Variants in SLC24A3 observed in about 807,000 individuals in gnomAD.
SLC24A3 encodes the protein sodium/potassium/calcium exchanger 3.
A neutral mutation model predicts 75.8 loss-of-function variants in SLC24A3; 28 were observed. That is an observed-to-expected ratio of 0.37 (90% CI 0.27 to 0.51). SLC24A3 has a LOEUF of 0.51. Ranked by LOEUF, SLC24A3 falls within the 20% of genes least tolerant of loss-of-function variation. The pLI, the probability that SLC24A3 is intolerant of heterozygous loss-of-function variation, is 0.94. For missense variants in SLC24A3, 663 were observed against 847.8 expected (o/e 0.78, Z 2.71); for synonymous variants, 372 against 334.1 (o/e 1.11, Z -1.24).
At chr20:19,304,161 T>G (rs1984265074) in intron 2 of SLC24A3, among the ~76,000 whole-genome samples, 1 of 152,248 alleles carries the variant, frequency 6.6e-6, no homozygotes, top group East Asian at 1.9e-4. Context: ...TAGCTTCTCT[T>G]TAATACATAG....
intron 1 of SLC24A3, among the ~76,000 whole-genome samples, chr20:19,277,919 A>G (rs1983533215): frequency 6.6e-6 from 1 of 152,184 alleles, no homozygotes; most frequent in Non-Finnish European, 1.5e-5. Flanking sequence ...TTACAGTACC[A>G]CAAAGCATTT....
At chr20:19,553,651 C>T (rs1420649471) in intron 3 of SLC24A3, among the ~76,000 whole-genome samples, 3 of 152,018 alleles carry the variant, frequency 2.0e-5, no homozygotes, top group Non-Finnish European at 4.4e-5. Flanking sequence ...TTGGTAGCAC[C>T]GATGCTGTCC....
chr20:19,265,509 T>C (rs1304579602), intron 1 of SLC24A3, among the ~76,000 whole-genome samples: 4 of 152,214 alleles, frequency 2.6e-5, no homozygotes, highest in Non-Finnish European at 1.5e-5. Context: ...CAACAGACTT[T>C]ACATGGGATG....
chr20:19,706,086 G>A (rs969062018), intron 15 of SLC24A3, among the ~76,000 whole-genome samples: 1 of 152,180 alleles, frequency 6.6e-6, no homozygotes, highest in Non-Finnish European at 1.5e-5. Context: ...GCAATGGAGG[G>A]AGGGTGTCTG....
At chr20:19,248,815 A>G (rs1050331566) in intron 1 of SLC24A3, among the ~76,000 whole-genome samples, 2 of 151,884 alleles carry the variant, frequency 1.3e-5, no homozygotes, top group Non-Finnish European at 2.9e-5. Flanking sequence ...TACTGTTCAG[A>G]CTTGAAAGAT....
chr20:19,672,735 T>A (rs1482108334), intron 8 of SLC24A3, among the ~76,000 whole-genome samples: 1 of 152,188 alleles, frequency 6.6e-6, no homozygotes, highest in Non-Finnish European at 1.5e-5. Flanking sequence ...TTTTCACTTT[T>A]TTATAAACAC....
chr20:19,718,910 G>A (rs1600356724), intron 16 of SLC24A3, among the ~76,000 whole-genome samples: 1 of 152,216 alleles, frequency 6.6e-6, no homozygotes. Flanking sequence ...AAGGGAATGA[G>A]TGTACACAAA....
chr20:19,592,998 G>A (rs2031401307), intron 6 of SLC24A3, among the ~76,000 whole-genome samples: 1 of 152,008 alleles, frequency 6.6e-6, no homozygotes, highest in Admixed American at 6.6e-5. Context: ...GTTTCGCCAT[G>A]TTAGTCAGGC....
chr20:19,346,366 ATG>A (rs1381204393), intron 2 of SLC24A3, among the ~76,000 whole-genome samples: 4 of 130,484 alleles, frequency 3.1e-5, no homozygotes, highest in African/African-American at 5.8e-5. Context: ...GTGTATATAT[ATG>A]TGGTGTATAT....
chr20:19,495,475 G>A (rs1202810577), intron 2 of SLC24A3, among the ~76,000 whole-genome samples: 4 of 152,162 alleles, frequency 2.6e-5, no homozygotes, highest in Non-Finnish European at 4.4e-5. Context: ...TGAACGCCTC[G>A]CTCTGTAGAG....
chr20:19,577,512 T>C (rs1031576377), intron 3 of SLC24A3, among the ~76,000 whole-genome samples: 1 of 152,138 alleles, frequency 6.6e-6, no homozygotes, highest in Non-Finnish European at 1.5e-5. Flanking sequence ...CTCTAAAATC[T>C]CCCATCACCT....
intron 1 of SLC24A3, among the ~76,000 whole-genome samples, chr20:19,266,844 A>G (rs953942275): frequency 3.9e-5 from 6 of 152,334 alleles, no homozygotes; most frequent in African/African-American, 1.2e-4. Flanking sequence ...TTAAGAAATT[A>G]TGTTTAAGAA....
At chr20:19,266,651 A>G (rs548861059) in intron 1 of SLC24A3, among the ~76,000 whole-genome samples, 2 of 152,340 alleles carry the variant, frequency 1.3e-5, no homozygotes, top group East Asian at 1.9e-4. Context: ...ATTCTACTCA[A>G]TTGGAAACAA....
At chr20:19,313,960 G>T (rs902857692) in intron 2 of SLC24A3, among the ~76,000 whole-genome samples, 2 of 152,186 alleles carry the variant, frequency 1.3e-5, no homozygotes, top group South Asian at 2.1e-4. Flanking sequence ...CCAGATACAT[G>T]AGTTGAACTA....
At chr20:19,361,597 A>G (rs1390944182) in intron 2 of SLC24A3, among the ~76,000 whole-genome samples, 1 of 152,236 alleles carries the variant, frequency 6.6e-6, no homozygotes, top group African/African-American at 2.4e-5. Flanking sequence ...CTAGATTCAG[A>G]TCACTTCAGA....
intron 2 of SLC24A3, among the ~76,000 whole-genome samples, chr20:19,336,453 G>A (rs1985137114): frequency 6.6e-6 from 1 of 151,378 alleles, no homozygotes; most frequent in African/African-American, 2.4e-5. Context: ...CTGGCATGCC[G>A]TGGCTCACTG....
chr20:19,431,388 A>G (rs1987100356), intron 2 of SLC24A3, among the ~76,000 whole-genome samples: 1 of 152,162 alleles, frequency 6.6e-6, no homozygotes, highest in African/African-American at 2.4e-5. Flanking sequence ...GAAAGCATCC[A>G]CGTGTGGATG....
rs1192720196 is a variant in SLC24A3, at chr20:19,615,147, TG to T, written c.612+29605del. On this transcript the variant is annotated intron_variant, in intron 6 of 16. Transcript: ENST00000328041. ...TTTGGTTCAGATTTTCTTATGTTTT[TG>T]GTGGGGGAAGAGGAGAGTCATTTAA... Among the ~76,000 whole-genome samples, 3 of 152,180 alleles carry T rather than the reference TG, an allele frequency of 2.0e-5. No homozygotes were observed. The South Asian group carries it at 6.2e-4, about 32-fold the overall frequency.
At chr20:19,478,288 T>C (rs1397054606) in intron 2 of SLC24A3, among the ~76,000 whole-genome samples, 2 of 152,216 alleles carry the variant, frequency 1.3e-5, no homozygotes, top group Non-Finnish European at 2.9e-5. Context: ...CTGATGGATC[T>C]TTAGGGCTCT....
Sources: gnomAD v4.1 joint callset for allele counts (sites outside exome capture counted in the v4.1 genomes callset) on GRCh38, gnomAD v4.1.1 for gene constraint, MANE v1.5 for transcripts, NCBI Gene and HGNC (gene_info 2026-07-23, HGNC 2026-07-21) for gene names.